RNF41: variants seen among roughly 807,000 people sequenced by gnomAD.
The protein encoded by RNF41 is E3 ubiquitin-protein ligase NRDP1.
Under a neutral mutation model 33.0 loss-of-function variants are expected in RNF41, and 4 were observed. The ratio of observed to expected loss-of-function variants is 0.12; its 90% CI spans 0.06 to 0.28. RNF41 has a LOEUF of 0.28. Among genes scored for constraint, RNF41 ranks in the 10% least tolerant of loss-of-function variants. RNF41 has a pLI of 1.00. For synonymous variants in RNF41, 164 were observed against 153.2 expected (o/e 1.07, Z -0.52); for missense variants, 228 against 432.6 (o/e 0.53, Z 4.19).
intron 3 of RNF41, among the ~76,000 whole-genome samples, 186 bp downstream of exon 3, chr12:56,213,772 C>A (rs1868652093): frequency 6.6e-6 from 1 of 152,172 alleles, no homozygotes. Context: ...TGGCATCCAC[C>A]TCTAGATTGA....
chr12:56,220,135 G>A (rs1378774779), intron 1 of RNF41, among the ~76,000 whole-genome samples: 1 of 152,142 alleles, frequency 6.6e-6, no homozygotes, highest in Non-Finnish European at 1.5e-5. Flanking sequence ...GCTGGGTGCA[G>A]TGGCTCATGC....
intron 6 of RNF41, chr12:56,207,362 C>T (rs1440451750): frequency 7.5e-6 from 8 of 1,065,486 alleles, no homozygotes; most frequent in Non-Finnish European, 1.1e-5. Context: ...TAGCACTCCA[C>T]AGCCTTTAAT....
chr12:56,205,056 T>C lies in RNF41; in HGVS notation c.*1391A>G, dbSNP rs1222248294. 1 of 152,254 alleles carries C rather than the reference T, an allele frequency of 6.6e-6. No homozygotes were observed. The highest frequency in any genetic ancestry group is 1.5e-5 in the Non-Finnish European group (1 of 68,064). 9.4% of individuals were successfully genotyped at this position (152,254 alleles called of 1,614,324 possible). A position where few individuals can be genotyped will look rare whatever the true frequency, so the allele number is the denominator to read the frequency against. On this transcript the variant is annotated 3_prime_UTR_variant, in exon 7 of 7. Transcript: ENST00000345093. ...TGTGGGTGAGACACGGCACAGCCTG[T>C]ACTTAGAGATAAAATTTCTGATTTG...
At chr12:56,217,029 A>T (rs1868950678) in intron 1 of RNF41, among the ~76,000 whole-genome samples, 2 of 151,698 alleles carry the variant, frequency 1.3e-5, no homozygotes, top group South Asian at 4.2e-4. Context: ...AGTCCCAGCT[A>T]CTCGGGAGGC....
At chr12:56,212,907 G>T in intron 3 of RNF41, 1 of 906,012 alleles carries the variant, frequency 1.1e-6, no homozygotes, top group Non-Finnish European at 1.6e-6. Flanking sequence ...GGATTAATTG[G>T]TATTTACAGA....
rs1878626554 is a variant in RNF41, at chr12:56,202,246, G to A, written c.*4201C>T. ...GATTAAGACAATTCCAGGTGCAGTAGCCCCAGCTACTCCAGAAGCTGAAGT... is the reference window on the plus strand; with the variant it reads ...GATTAAGACAATTCCAGGTGCAGTAACCCCAGCTACTCCAGAAGCTGAAGT... On this transcript the variant is annotated 3_prime_UTR_variant, in exon 7 of 7. Transcript: ENST00000345093. 1 of 150,740 alleles carries A rather than the reference G, an allele frequency of 6.6e-6. No homozygotes were observed. The highest frequency in any genetic ancestry group is 2.1e-4 in the South Asian group (1 of 4,778). 9.3% of individuals were successfully genotyped at this position (150,740 alleles called of 1,614,324 possible).
In RNF41 at chr12:56,206,925, C is replaced by T; in HGVS notation, c.603-127G>A. The T allele has an allele frequency of 1.1e-6, 1 of 941,702 alleles. No homozygotes were observed. The highest frequency in any genetic ancestry group is 1.5e-6 in the Non-Finnish European group (1 of 646,920). 58.3% of individuals were successfully genotyped at this position (941,702 alleles called of 1,614,324 possible). A position where few individuals can be genotyped will look rare whatever the true frequency, so the allele number is the denominator to read the frequency against. On this transcript the variant is annotated intron_variant, in intron 6 of 6. Coordinates refer to ENST00000345093, the MANE Select transcript of RNF41 (RefSeq NM_005785.4). The surrounding 1 kb of genome is among the most constrained non-coding windows in gnomAD (Gnocchi z 5.7). Reference sequence around the variant, plus strand: ...CCTATTCTTCCTTCTTTCCTTCCATCATTGGCTCAGAAACCCCAAATCTTT... The same window carrying T: ...CCTATTCTTCCTTCTTTCCTTCCATTATTGGCTCAGAAACCCCAAATCTTT...
intron 1 of RNF41, among the ~76,000 whole-genome samples, chr12:56,219,123 A>G (rs2135817232): frequency 6.6e-6 from 1 of 151,586 alleles, no homozygotes; most frequent in Admixed American, 6.6e-5. Flanking sequence ...CTCCTGCCTC[A>G]GCCTCCTGAG....
At chr12:56,209,030 A>G (rs1371372594) in intron 4 of RNF41, among the ~76,000 whole-genome samples, 1 of 150,476 alleles carries the variant, frequency 6.6e-6, no homozygotes, top group Non-Finnish European at 1.5e-5. Context: ...ACACCTGGCT[A>G]ATTTTTATAT....
At chr12:56,209,100 G>T (rs1468175362) in intron 4 of RNF41, among the ~76,000 whole-genome samples, 6 of 146,464 alleles carry the variant, frequency 4.1e-5, no homozygotes, top group Non-Finnish European at 7.5e-5. Context: ...CCTGACCTCA[G>T]GTGATCCGCC....
intron 4 of RNF41, 81 bp downstream of exon 4, chr12:56,210,216 G>C: frequency 1.4e-6 from 2 of 1,456,752 alleles, no homozygotes; most frequent in Non-Finnish European, 1.9e-6. Context: ...GACCTCCTCA[G>C]CTAGTGAGGA....
Position 56,207,473 on chromosome 12 carries a change from GAGCT to G in RNF41, c.602+169_602+172del, listed in dbSNP as rs376617794. Among the ~76,000 whole-genome samples the G allele has an allele frequency of 1.8e-4, 27 of 152,270 alleles. 2 individuals are homozygous for G. The highest frequency in any genetic ancestry group is 6.5e-4 in the African/African-American group (27 of 41,554). ...CAAACACATAAGACATCCTGTAGTG[GAGCT>G]AAGGGTTATCCTCTTCTCCTCTGCC... On this transcript the variant is annotated intron_variant, in intron 6 of 6. Transcript: ENST00000345093.
chr12:56,220,258 A>G (rs962589391), intron 1 of RNF41, among the ~76,000 whole-genome samples: 24 of 150,366 alleles, frequency 1.6e-4, no homozygotes, highest in African/African-American at 5.8e-4. Flanking sequence ...TCTGTTGCCC[A>G]GGTTGGAGTT....
At chr12:56,215,479 G>C (rs1868809521) in intron 2 of RNF41, among the ~76,000 whole-genome samples, 1 of 152,074 alleles carries the variant, frequency 6.6e-6, no homozygotes, top group Admixed American at 6.6e-5. Context: ...CCAGCACTTT[G>C]GGAGGCTGAG....
At chr12:56,210,706 A>G in intron 3 of RNF41, 138 bp from the exon 4 acceptor site, 2 of 797,490 alleles carry the variant, frequency 2.5e-6, no homozygotes. Flanking sequence ...ACAGCAAAGT[A>G]TAGATCTACT....
At chr12:56,211,978 A>G (rs1714025961) in intron 3 of RNF41, among the ~76,000 whole-genome samples, 1 of 151,090 alleles carries the variant, frequency 6.6e-6, no homozygotes, top group Non-Finnish European at 1.5e-5. Context: ...TCTCAAAAAA[A>G]CAAAACAAAA....
chr12:56,217,717 T>C (rs1182433655), intron 1 of RNF41, among the ~76,000 whole-genome samples: 1 of 152,068 alleles, frequency 6.6e-6, no homozygotes, highest in Admixed American at 6.6e-5. Context: ...AGGCCTGTGC[T>C]CCATGTCCTG....
In RNF41 at chr12:56,218,373, C is replaced by T. The variant is rs57822276; in HGVS notation, c.-208-1760G>A. ...TTCCCAGCAGGCTCCAGCAATCCTCCCACCTCAGTCTCCCAAATAGCTGGG... is the reference window on the plus strand; with the variant it reads ...TTCCCAGCAGGCTCCAGCAATCCTCTCACCTCAGTCTCCCAAATAGCTGGG... On this transcript the variant is annotated intron_variant, in intron 1 of 6. Transcript: ENST00000345093. 9.3e-4 allele frequency among the ~76,000 whole-genome samples: 141 copies of T among 151,980 alleles called. 3 individuals are homozygous for T. In the East Asian group the frequency reaches 0.018, roughly 20 times the overall value.
chr12:56,207,785 G>C (rs777483024), intron 5 of RNF41, 36 bp from the exon 6 acceptor site: 2 of 1,528,432 alleles, frequency 1.3e-6, no homozygotes, highest in Non-Finnish European at 1.8e-6. Flanking sequence ...TAATGGTTAA[G>C]GCAGACAGCA....
Sources: gnomAD v4.1 joint callset for allele counts (sites outside exome capture counted in the v4.1 genomes callset) on GRCh38, gnomAD v4.1.1 for gene constraint, Gnocchi (gnomAD v3.1) non-coding constraint, MANE v1.5 for transcripts, NCBI Gene and HGNC (gene_info 2026-07-23, HGNC 2026-07-21) for gene names.